ESR1: variants seen among roughly 807,000 people sequenced by gnomAD.
The protein encoded by ESR1 is estrogen receptor.
Under a neutral mutation model 52.7 loss-of-function variants are expected in ESR1, and 12 were observed. The observed-to-expected ratio is 0.23, with a 90% CI of 0.15 to 0.37. The LOEUF (loss-of-function observed/expected upper bound fraction) is 0.37, where lower values mean the gene tolerates loss of function less well. Among genes scored for constraint, ESR1 ranks in the 10% least tolerant of loss-of-function variants. The pLI, the probability that ESR1 is intolerant of heterozygous loss-of-function variation, is 1.00. For missense variants in ESR1, 584 were observed against 779.7 expected (o/e 0.75, Z 2.99); for synonymous variants, 305 against 316.8 (o/e 0.96, Z 0.39).
chr6:152,096,609 G>A (rs2050630075), intron 7 of ESR1: 1 of 455,700 alleles, frequency 2.2e-6, no homozygotes, highest in Non-Finnish European at 4.4e-6. Flanking sequence ...CCTGCCCTGT[G>A]AATTCGGCTT....
At chr6:151,993,990 C>T (rs1471216542) in intron 4 of ESR1, among the ~76,000 whole-genome samples, 2 of 152,142 alleles carry the variant, frequency 1.3e-5, no homozygotes, top group Admixed American at 6.6e-5. Flanking sequence ...AATACAGTCT[C>T]TATGCCAGGC....
chr6:151,679,289 A>G (rs1309695539), intron 1 of ESR1, among the ~76,000 whole-genome samples: 1 of 152,162 alleles, frequency 6.6e-6, no homozygotes, highest in Non-Finnish European at 1.5e-5. Flanking sequence ...CACGTGTCCC[A>G]CATGTGGCCT....
At chr6:152,055,261 G>A (rs897724306) in intron 5 of ESR1, among the ~76,000 whole-genome samples, 1 of 152,130 alleles carries the variant, frequency 6.6e-6, no homozygotes, top group African/African-American at 2.4e-5. Context: ...AGGGTCCTCT[G>A]TAGTAGCTCC....
At chr6:152,022,617 G>A (rs553822267) in intron 5 of ESR1, among the ~76,000 whole-genome samples, 17 of 152,216 alleles carry the variant, frequency 1.1e-4, no homozygotes, top group African/African-American at 4.1e-4. Flanking sequence ...TGGGGTTAAG[G>A]CAGTTTTTTG....
Position 151,755,166 on chromosome 6 carries a change from C to T in ESR1, c.-70-52677C>T, listed in dbSNP as rs570204905. Among the ~76,000 whole-genome samples, 3 of 149,704 alleles carry T rather than the reference C, an allele frequency of 2.0e-5. No homozygotes were observed. The South Asian group carries it at 6.4e-4, about 32-fold the overall frequency. ...TTGATTCTGCAGTAAGCTATGATTA[C>T]ACCACTACATTCCAGCCTGGGTGAC... On this transcript the variant is annotated intron_variant, in intron 2 of 2. Coordinates refer to the ESR1 transcript ENST00000404742.
At chr6:151,756,815 C>A (rs887753609) in intron 2 of ESR1, among the ~76,000 whole-genome samples, 4 of 152,106 alleles carry the variant, frequency 2.6e-5, no homozygotes, top group Non-Finnish European at 4.4e-5. Flanking sequence ...CATGGTGAAA[C>A]CCCGTCTCTA....
chr6:151,923,637 T>C (rs6557173), intron 3 of ESR1, among the ~76,000 whole-genome samples: 119,933 of 152,100 alleles, frequency 0.79, 47,886 homozygotes, highest in African/African-American at 0.9. Flanking sequence ...AAGTTTCATC[T>C]ATATATTTTC....
chr6:151,822,143 T>G (rs1362934577), intron 1 of ESR1, among the ~76,000 whole-genome samples: 1 of 152,172 alleles, frequency 6.6e-6, no homozygotes, highest in Non-Finnish European at 1.5e-5. Flanking sequence ...AGTTAAAAAA[T>G]TTTAAAAGGA....
intron 3 of ESR1, among the ~76,000 whole-genome samples, chr6:151,904,156 T>C (rs899020982): frequency 1.3e-5 from 2 of 152,228 alleles, no homozygotes; most frequent in Non-Finnish European, 2.9e-5. Flanking sequence ...TCACTTTTGT[T>C]TGTGCATAGT....
intron 5 of ESR1, among the ~76,000 whole-genome samples, chr6:152,059,106 G>A (rs1237709415): frequency 6.6e-6 from 1 of 151,966 alleles, no homozygotes; most frequent in Non-Finnish European, 1.5e-5. Context: ...CCCAAAAATG[G>A]TTGCACAACA....
At chr6:151,956,845 TATATATATATATATATAA>T (rs1562594207) in intron 4 of ESR1, among the ~76,000 whole-genome samples, 3 of 30,796 alleles carry the variant, frequency 9.7e-5, no homozygotes, top group Non-Finnish European at 1.5e-4. Context: ...TATAAATAAA[TATATATATATATATATAA>T]ATATATATAT....
chr6:151,931,464 T>A lies in ESR1; in HGVS notation c.761-12709T>A, dbSNP rs532270920. On this transcript the variant is annotated intron_variant, in intron 3 of 7. Coordinates refer to ENST00000206249, the MANE Select transcript of ESR1 (RefSeq NM_000125.4). ...TTAGAGCCCTCAAACTCTTTTTTTT[T>A]ATTATACTTTAAGTTTTAGGGTACA... 3.9e-5 allele frequency among the ~76,000 whole-genome samples: 6 copies of A among 152,264 alleles called. No individual in the cohort carries two copies. The East Asian group carries it at 5.8e-4, about 15-fold the overall frequency.
intron 4 of ESR1, among the ~76,000 whole-genome samples, chr6:151,996,602 C>A (rs905222532): frequency 4.6e-5 from 7 of 152,042 alleles, no homozygotes; most frequent in African/African-American, 1.7e-4. Flanking sequence ...TATTTTGATA[C>A]CACTAATATG....
intron 6 of ESR1, among the ~76,000 whole-genome samples, chr6:152,111,548 G>A (rs565801323): frequency 2.0e-5 from 3 of 152,292 alleles, no homozygotes; most frequent in East Asian, 1.9e-4. Context: ...TTTGTGAGCC[G>A]GTTAACATTT....
In ESR1 at chr6:151,882,142, C is replaced by T. The variant is rs926310808; in HGVS notation, c.760+1371C>T. 4.6e-5 allele frequency among the ~76,000 whole-genome samples: 7 copies of T among 151,976 alleles called. No individual in the cohort carries two copies. The East Asian group carries it at 5.8e-4, about 13-fold the overall frequency. On this transcript the variant is annotated intron_variant, in intron 3 of 7. Coordinates refer to ENST00000206249, the MANE Select transcript of ESR1 (RefSeq NM_000125.4). Reference sequence around the variant, plus strand: ...AACCTTTAAATCATTCTTACTGGGACGCAGGAGGAAGGAGAGGAAAGACCA... The same window carrying T: ...AACCTTTAAATCATTCTTACTGGGATGCAGGAGGAAGGAGAGGAAAGACCA...
chr6:151,896,100 G>C (rs1471727783), intron 3 of ESR1, among the ~76,000 whole-genome samples: 3 of 152,174 alleles, frequency 2.0e-5, no homozygotes, highest in Non-Finnish European at 2.9e-5. Flanking sequence ...CGCCCGGCCA[G>C]ATTTTTGCAT....
intron 1 of ESR1, among the ~76,000 whole-genome samples, chr6:151,665,325 T>G (rs958460215): frequency 1.3e-5 from 2 of 152,160 alleles, no homozygotes; most frequent in Non-Finnish European, 2.9e-5. Flanking sequence ...GTCCGCAGAT[T>G]TTTTAAGTGG....
chr6:152,040,241 G>T (rs1461170470), intron 5 of ESR1, among the ~76,000 whole-genome samples: 1 of 152,180 alleles, frequency 6.6e-6, no homozygotes, highest in Non-Finnish European at 1.5e-5. Flanking sequence ...ATGTTGCTGA[G>T]CCCGTGCGTA....
intron 3 of ESR1, among the ~76,000 whole-genome samples, chr6:151,937,253 A>G (rs1273990498): frequency 6.6e-6 from 1 of 152,210 alleles, no homozygotes; most frequent in Admixed American, 6.5e-5. Context: ...AATACATATA[A>G]AAGCGTAGCT....
Sources: gnomAD v4.1 joint callset for allele counts (sites outside exome capture counted in the v4.1 genomes callset) on GRCh38, gnomAD v4.1.1 for gene constraint, MANE v1.5 for transcripts, NCBI Gene and HGNC (gene_info 2026-07-23, HGNC 2026-07-21) for gene names.